ZNF577: variants seen among roughly 807,000 people sequenced by gnomAD.
The protein encoded by ZNF577 is zinc finger protein 577.
A neutral mutation model predicts 13.9 loss-of-function variants in ZNF577; 14 were observed. That is an observed-to-expected ratio of 1.00 (90% CI 0.66 to 1.57). The LOEUF is 1.57. ZNF577 is among the 40% of genes most tolerant of loss of function. The pLI, the probability that ZNF577 is intolerant of heterozygous loss-of-function variation, is 0.00. For synonymous variants in ZNF577, 203 were observed against 202.9 expected (o/e 1.00, Z 0.00); for missense variants, 555 against 579.2 (o/e 0.96, Z 0.43).
At chr19:51,808,105 C>T (rs950288475) in intron 10 of ZNF577, among the ~76,000 whole-genome samples, 2 of 152,210 alleles carry the variant, frequency 1.3e-5, no homozygotes. Context: ...TGTAATTTGG[C>T]TTCTGCCTCT....
Position 51,880,307 on chromosome 19 carries a change from G to T in ZNF577, c.60+16C>A. ...GAAAGAAGTTTCTCAAGCTCTCACAGCAATGACAAATTTACCTCCCCTGAA... is the reference window on the plus strand; with the variant it reads ...GAAAGAAGTTTCTCAAGCTCTCACATCAATGACAAATTTACCTCCCCTGAA... On this transcript the variant is annotated intron_variant, in intron 3 of 5. Transcript: ENST00000638348. 6.2e-7 allele frequency: 1 copy of T among 1,612,914 alleles called. No homozygotes were observed. The highest frequency in any genetic ancestry group is 8.5e-7 in the Non-Finnish European group (1 of 1,179,144).
chr19:51,854,601 T>C (rs930024186), intron 5 of ZNF577, among the ~76,000 whole-genome samples: 2 of 150,642 alleles, frequency 1.3e-5, no homozygotes, highest in African/African-American at 4.9e-5. Flanking sequence ...CCCAAAGTAC[T>C]GGGTTTACAA....
At chr19:51,881,868 TCA>T (rs2084866812) in intron 1 of ZNF577, among the ~76,000 whole-genome samples, 1 of 152,088 alleles carries the variant, frequency 6.6e-6, no homozygotes, top group Admixed American at 6.5e-5. Flanking sequence ...CTCTAGAAAC[TCA>T]CACTCTGAGA....
intron 5 of ZNF577, among the ~76,000 whole-genome samples, chr19:51,847,352 C>T (rs1410968517): frequency 6.6e-6 from 1 of 152,186 alleles, no homozygotes; most frequent in East Asian, 1.9e-4. Flanking sequence ...CAGCCTCTCC[C>T]GTCGATGTCC....
Position 51,868,033 on chromosome 19 carries a change from A to T in ZNF577, c.*4499T>A, listed in dbSNP as rs1459431607. 6.6e-6 allele frequency among the ~76,000 whole-genome samples: 1 copy of T among 152,218 alleles called. No individual in the cohort carries two copies. Among genetic ancestry groups the T allele is most frequent in the Non-Finnish European group, 1.5e-5 (1 of 68,030 alleles). ...TCTACTCTGAGGTCTGGCAGGTTCTAGTATTTACAGACCCAAGTTCTAAAC... is the reference window on the plus strand; with the variant it reads ...TCTACTCTGAGGTCTGGCAGGTTCTTGTATTTACAGACCCAAGTTCTAAAC... On this transcript the variant is annotated 3_prime_UTR_variant, in exon 6 of 6. Transcript: ENST00000638348.
At chr19:51,844,356 A>G (rs2084338558) in intron 6 of ZNF577, among the ~76,000 whole-genome samples, 1 of 152,166 alleles carries the variant, frequency 6.6e-6, no homozygotes, top group Non-Finnish European at 1.5e-5. Flanking sequence ...AAAACTGAAG[A>G]GGAAGAGGAA....
chr19:51,866,110 T>A (rs1356445048), downstream of ZNF577, among the ~76,000 whole-genome samples: 1 of 149,154 alleles, frequency 6.7e-6, no homozygotes, highest in African/African-American at 2.5e-5. Flanking sequence ...CAAGACTCCA[T>A]CTAAAAAAAA....
intron 9 of ZNF577, among the ~76,000 whole-genome samples, chr19:51,820,603 T>C (rs970341261): frequency 1.3e-5 from 2 of 152,188 alleles, no homozygotes; most frequent in African/African-American, 2.4e-5. Context: ...GACTTAGAGA[T>C]TATTGATACA....
At chr19:51,853,687 C>T (rs1231466780) in intron 5 of ZNF577, among the ~76,000 whole-genome samples, 2 of 152,100 alleles carry the variant, frequency 1.3e-5, no homozygotes, top group Non-Finnish European at 2.9e-5. Context: ...CTATAGTATC[C>T]CCAGATTTGT....
intron 9 of ZNF577, among the ~76,000 whole-genome samples, chr19:51,816,687 G>A (rs1249244270): frequency 6.6e-6 from 1 of 152,206 alleles, no homozygotes; most frequent in East Asian, 1.9e-4. Context: ...AGAAGTACAG[G>A]TGGCCACATG....
chr19:51,861,056 G>T, intron 5 of ZNF577: 2 of 378,058 alleles, frequency 5.3e-6, no homozygotes, highest in African/African-American at 2.3e-5. Flanking sequence ...TAAATGGAAA[G>T]CTTCTAGTTT....
chr19:51,818,249 T>C (rs79807415), intron 9 of ZNF577, among the ~76,000 whole-genome samples: 4,331 of 152,312 alleles, frequency 0.028, 163 homozygotes, highest in African/African-American at 0.087. Flanking sequence ...TTTATTCTGA[T>C]TAAATGTTCC....
At chr19:51,878,313 C>A in intron 4 of ZNF577, 76 bp downstream of exon 4, 1 of 1,453,300 alleles carries the variant, frequency 6.9e-7, no homozygotes, top group Non-Finnish European at 9.3e-7. Context: ...TAGTCTAAAC[C>A]ATTAAATATT....
At chr19:51,818,915 G>A (rs2084166512) in intron 9 of ZNF577, among the ~76,000 whole-genome samples, 1 of 152,160 alleles carries the variant, frequency 6.6e-6, no homozygotes. Flanking sequence ...GTCTGTGTCT[G>A]GATTTTAGCA....
intron 5 of ZNF577, among the ~76,000 whole-genome samples, chr19:51,858,668 A>G (rs56824512): frequency 0.03 from 4,641 of 152,262 alleles, 220 homozygotes; most frequent in African/African-American, 0.11. Flanking sequence ...GATAACCAAA[A>G]TAAGTCAGTT....
At chr19:51,807,654 A>C (rs1003833503) in intron 10 of ZNF577, among the ~76,000 whole-genome samples, 2 of 152,234 alleles carry the variant, frequency 1.3e-5, no homozygotes, top group Non-Finnish European at 1.5e-5. Flanking sequence ...GTCCACCTGG[A>C]ATAGGTTTGT....
intron 9 of ZNF577, among the ~76,000 whole-genome samples, chr19:51,837,618 A>C (rs1271048449): frequency 1.3e-5 from 2 of 152,176 alleles, no homozygotes; most frequent in Non-Finnish European, 2.9e-5. Context: ...ACAAAAAACT[A>C]TCTCTTATAT....
intron 9 of ZNF577, among the ~76,000 whole-genome samples, chr19:51,828,928 C>T (rs545743540): frequency 5.9e-5 from 9 of 152,242 alleles, no homozygotes; most frequent in South Asian, 2.1e-4. Context: ...GAGGATGTTT[C>T]GCTATGAACA....
At chr19:51,881,141 A>G (rs1014134603) in intron 1 of ZNF577, among the ~76,000 whole-genome samples, 5 of 152,190 alleles carry the variant, frequency 3.3e-5, no homozygotes, top group African/African-American at 1.2e-4. Context: ...GGTCTTGTCC[A>G]CTGCCAAGTT....
Sources: allele counts gnomAD v4.1 joint callset (sites outside exome capture counted in the v4.1 genomes callset), GRCh38; gene constraint gnomAD v4.1.1; transcripts MANE v1.5; gene names NCBI Gene and HGNC (gene_info 2026-07-23, HGNC 2026-07-21).